Variants in CYRIB observed in about 807,000 individuals in gnomAD.
The protein encoded by CYRIB is CYFIP related Rac1 interactor B, also known as CYFIP-related Rac1 interactor B.
Under a neutral mutation model 44.2 loss-of-function variants are expected in CYRIB, and 8 were observed. The ratio of observed to expected loss-of-function variants is 0.18; its 90% confidence interval spans 0.11 to 0.33. The LOEUF is 0.33. Among genes scored for constraint, CYRIB ranks in the 10% least tolerant of loss-of-function variants. The pLI, the probability that CYRIB is intolerant of heterozygous loss-of-function variation, is 1.00. For missense variants in CYRIB, 185 were observed against 382.8 expected (o/e 0.48, Z 4.31); for synonymous variants, 131 against 127.2 (o/e 1.03, Z -0.20).
At chr8:129,900,838 C>T (rs973390865) in intron 2 of CYRIB, among the ~76,000 whole-genome samples, 1 of 152,156 alleles carries the variant, frequency 6.6e-6, no homozygotes, top group African/African-American at 2.4e-5. Flanking sequence ...CACAACCATG[C>T]CCGGCTTGTA....
At chr8:129,861,084 T>G (rs1286246684) in intron 5 of CYRIB, among the ~76,000 whole-genome samples, 1 of 152,234 alleles carries the variant, frequency 6.6e-6, no homozygotes, top group Non-Finnish European at 1.5e-5. Flanking sequence ...TAATTTGTAA[T>G]GTTTATACAT....
chr8:130,013,598 G>A (rs180933824), intron 1 of CYRIB, among the ~76,000 whole-genome samples: 151 of 152,260 alleles, frequency 9.9e-4, no homozygotes, highest in African/African-American at 3.5e-3. Flanking sequence ...GTCCCAGACC[G>A]CCAAAGCCAC....
intron 1 of CYRIB, among the ~76,000 whole-genome samples, chr8:129,910,966 A>G (rs766564651): frequency 6.6e-6 from 1 of 152,142 alleles, no homozygotes; most frequent in Non-Finnish European, 1.5e-5. Context: ...CCTCTCTCCC[A>G]TTGTTTTGTT....
At chr8:129,930,365 T>TTTTATATATATATATATATATATATG (rs369665802) in intron 1 of CYRIB, among the ~76,000 whole-genome samples, 1 of 50,438 alleles carries the variant, frequency 2.0e-5, no homozygotes, top group Admixed American at 2.4e-4. Context: ...TGTGAAGTGC[T>TTTTATATATATATATATATATATATG]TATATATATA....
rs575062449 is a variant in CYRIB, at chr8:129,995,190, G to A, written c.-296+21180C>T. The stretch of plus-strand genomic sequence containing the variant: ...GAATTAAGTAAAGGTAGATCCCTGA[G>A]TGCCATCACACCATGACTGAGTCCT... On this transcript the variant is annotated intron_variant, in intron 1 of 14. Transcript: ENST00000401979. Among the ~76,000 whole-genome samples, 9 of 152,332 alleles carry A rather than the reference G, an allele frequency of 5.9e-5. No homozygotes were observed. In the East Asian group the frequency reaches 1.7e-3, roughly 29 times the overall value.
chr8:129,854,376 T>G (rs879152882), intron 6 of CYRIB, 33 bp from the exon 9 acceptor site: 3 of 1,474,858 alleles, frequency 2.0e-6, no homozygotes, highest in Admixed American at 4.0e-5. Flanking sequence ...AAAAATGTTA[T>G]GTACTAAATG....
At chr8:129,952,477 AC>A (rs1564371739) in intron 2 of CYRIB, among the ~76,000 whole-genome samples, 2 of 152,210 alleles carry the variant, frequency 1.3e-5, no homozygotes, top group African/African-American at 4.8e-5. Flanking sequence ...TAAAATATGT[AC>A]CCCTATGGAG....
intron 1 of CYRIB, among the ~76,000 whole-genome samples, chr8:129,998,776 C>T (rs1383741455): frequency 3.9e-5 from 6 of 152,106 alleles, no homozygotes; most frequent in African/African-American, 1.4e-4. Context: ...GGATTACAGG[C>T]ATGTGCCACC....
At chr8:129,847,077 C>G (rs1486687933) in intron 10 of CYRIB, 1 of 460,532 alleles carries the variant, frequency 2.2e-6, no homozygotes, top group African/African-American at 2.0e-5. Flanking sequence ...TTTTTGAGAA[C>G]AAAATCAGTC....
At chr8:129,847,017 A>C in intron 10 of CYRIB, 143 bp from the exon 13 acceptor site, 1 of 535,724 alleles carries the variant, frequency 1.9e-6, no homozygotes, top group Non-Finnish European at 3.2e-6. Flanking sequence ...CTTAGAACAG[A>C]AAAAAACCCA....
At chr8:129,985,697 G>C (rs929547953) in intron 1 of CYRIB, among the ~76,000 whole-genome samples, 5 of 152,096 alleles carry the variant, frequency 3.3e-5, no homozygotes, top group Admixed American at 6.6e-5. Flanking sequence ...CAGGTTGTCT[G>C]GCAGGACCTC....
intron 1 of CYRIB, among the ~76,000 whole-genome samples, chr8:130,007,196 G>A (rs1036388970): frequency 1.3e-5 from 2 of 152,228 alleles, no homozygotes; most frequent in African/African-American, 2.4e-5. Context: ...TGAGATGCCC[G>A]CCGTTATGAG....
chr8:129,952,922 T>C (rs150598403), intron 2 of CYRIB, among the ~76,000 whole-genome samples: 261 of 152,344 alleles, frequency 1.7e-3, no homozygotes, highest in South Asian at 0.01. Context: ...TGGTAAATTT[T>C]AGCACAAAGG....
chr8:130,014,786 A>G (rs1300021880), intron 1 of CYRIB, among the ~76,000 whole-genome samples: 1 of 152,196 alleles, frequency 6.6e-6, no homozygotes, highest in Non-Finnish European at 1.5e-5. Context: ...GCAAGGATCT[A>G]GAGTGCAAAT....
upstream of CYRIB, among the ~76,000 whole-genome samples, chr8:129,942,060 A>C (rs1181490715): frequency 1.3e-5 from 2 of 152,026 alleles, no homozygotes; most frequent in African/African-American, 4.8e-5. Context: ...AAAATACTGG[A>C]CCAGGTGCAG....
chr8:129,940,828 G>C (rs1205903971), upstream of CYRIB, among the ~76,000 whole-genome samples: 1 of 152,156 alleles, frequency 6.6e-6, no homozygotes, highest in Non-Finnish European at 1.5e-5. Flanking sequence ...TAACAGTATG[G>C]ACTTTTCCCC....
chr8:130,005,814 A>T (rs1238252754), intron 1 of CYRIB, among the ~76,000 whole-genome samples: 1 of 98,498 alleles, frequency 1.0e-5, no homozygotes, highest in African/African-American at 6.8e-5. Context: ...CTCATCTCTT[A>T]AAAAAAAAAA....
intron 1 of CYRIB, among the ~76,000 whole-genome samples, chr8:129,985,066 C>G (rs114690692): frequency 0.057 from 8,635 of 152,194 alleles, 242 homozygotes; most frequent in Middle Eastern, 0.071. Flanking sequence ...CACCACGCCC[C>G]ACCCAAGTAG....
intron 1 of CYRIB, among the ~76,000 whole-genome samples, chr8:129,989,508 A>C (rs1356000629): frequency 2.6e-5 from 4 of 152,192 alleles, no homozygotes; most frequent in African/African-American, 9.6e-5. Context: ...TTCCCTCTGC[A>C]GGGACCAGGG....
Sources: allele counts gnomAD v4.1 joint callset (sites outside exome capture counted in the v4.1 genomes callset), GRCh38; gene constraint gnomAD v4.1.1; transcripts MANE v1.5; gene names NCBI Gene and HGNC (gene_info 2026-07-23, HGNC 2026-07-21).